VXN: variants seen among roughly 807,000 people sequenced by gnomAD.
The protein encoded by VXN is vexin.
A neutral mutation model predicts 23.1 loss-of-function variants in VXN; 7 were observed. That is an observed-to-expected ratio of 0.30 (90% CI 0.17 to 0.57). The LOEUF is 0.57. Among genes scored for constraint, VXN ranks in the 20% least tolerant of loss-of-function variants. The pLI is 0.91. For synonymous variants in VXN, 120 were observed against 105.8 expected, an observed-to-expected ratio of 1.13 and a Z score of -0.83; for missense variants, 238 against 272.6, an observed-to-expected ratio of 0.87 and a Z score of 0.89.
intron 2 of VXN, among the ~76,000 whole-genome samples, chr8:66,502,636 A>G (rs1472445343): frequency 6.6e-6 from 1 of 152,064 alleles, no homozygotes. Flanking sequence ...AGTCCTAGCT[A>G]CTTGAGAGGC....
Position 66,516,406 on chromosome 8 carries a change from C to G in VXN, c.*330C>G, listed in dbSNP as rs187922417. ...CCAAGGAAGGAAAAAAGCAATTCCT[C>G]TGTCTTCCTTGTGAGTTGCTCTAAA... On this transcript the variant is annotated 3_prime_UTR_variant, in exon 6 of 6. Coordinates refer to ENST00000305454, the MANE Select transcript of VXN (RefSeq NM_152765.4). 2.9e-3 allele frequency: 510 copies of G among 178,724 alleles called. 6 individuals carry two copies. The highest frequency in any genetic ancestry group is 6.0e-4 in the Non-Finnish European group (52 of 85,960). 11.1% of individuals were successfully genotyped at this position (178,724 alleles called of 1,614,324 possible). A position where few individuals can be genotyped will look rare whatever the true frequency, so the allele number is the denominator to read the frequency against.
At chr8:66,505,309 T>C in intron 2 of VXN, 66 bp from the exon 3 acceptor site, 1 of 1,546,440 alleles carries the variant, frequency 6.5e-7, no homozygotes, top group Non-Finnish European at 8.8e-7. Context: ...GCTCCTGCCC[T>C]GGGGTTCCAT....
At chr8:66,510,796 C>T (rs1200550770) in intron 4 of VXN, among the ~76,000 whole-genome samples, 1 of 152,142 alleles carries the variant, frequency 6.6e-6, no homozygotes, top group Non-Finnish European at 1.5e-5. Flanking sequence ...GCATCTCTTC[C>T]TTTTGTTATA....
At position 66,515,980 on chromosome 8, in the gene VXN, C is replaced by A. The variant is rs1807883752; in HGVS notation, c.528C>A (p.Ser176=). The A allele has an allele frequency of 6.2e-7, 1 of 1,613,824 alleles. No individual in the cohort carries two copies. The highest frequency in any genetic ancestry group is 8.5e-7 in the Non-Finnish European group (1 of 1,179,972). ...CTCTACCACTGACAGGCAGTGCTTCCTGCGGCGTCCCCGGCATCCTCCGGA... is the reference window on the plus strand; with the variant it reads ...CTCTACCACTGACAGGCAGTGCTTCATGCGGCGTCCCCGGCATCCTCCGGA... The part of the protein sequence containing the change: ...EASLPLTGSA[S]CGVPGILRKM... The change falls in exon 6 of 6, where the codon TCC becomes TCA. Residue 176 remains serine (S), a synonymous_variant. Coordinates refer to ENST00000305454, the MANE Select transcript of VXN (RefSeq NM_152765.4).
intron 2 of VXN, among the ~76,000 whole-genome samples, chr8:66,501,712 C>T (rs1807694489): frequency 6.6e-6 from 1 of 152,128 alleles, no homozygotes; most frequent in Non-Finnish European, 1.5e-5. Context: ...TTGTAAAACT[C>T]AGCCCCAGCC....
Position 66,517,772 on chromosome 8 carries a change from C to T in VXN, c.*1696C>T, listed in dbSNP as rs1807914383. 1 of 152,214 alleles carries T rather than the reference C, an allele frequency of 6.6e-6. No individual in the cohort carries two copies. The highest frequency in any genetic ancestry group is 2.4e-5 in the African/African-American group (1 of 41,454). 9.4% of individuals were successfully genotyped at this position (152,214 alleles called of 1,614,324 possible). Reference sequence around the variant, plus strand: ...ATCCTATGGGAAATTTAGCCTAAGACAGTGCTGGAAATTGCCATATGTTGA... The same window carrying T: ...ATCCTATGGGAAATTTAGCCTAAGATAGTGCTGGAAATTGCCATATGTTGA... On this transcript the variant is annotated 3_prime_UTR_variant, in exon 6 of 6. Transcript: ENST00000305454.
chr8:66,498,825 A>C (rs1032519979), intron 2 of VXN: 2 of 456,310 alleles, frequency 4.4e-6, no homozygotes, highest in Non-Finnish European at 8.8e-6. Context: ...ATATTTACAG[A>C]CTCTACTTGA....
intron 3 of VXN, 41 bp from the exon 4 acceptor site, chr8:66,510,055 A>G (rs890446985): frequency 1.9e-6 from 3 of 1,575,964 alleles, no homozygotes; most frequent in Non-Finnish European, 2.6e-6. Context: ...GGCAGAACAC[A>G]GAGTACCACT....
intron 1 of VXN, among the ~76,000 whole-genome samples, chr8:66,494,191 C>T (rs911821251): frequency 1.3e-5 from 2 of 152,202 alleles, no homozygotes; most frequent in African/African-American, 2.4e-5. Flanking sequence ...CGTCAGAGAG[C>T]GCCCTGACCC....
intron 1 of VXN, among the ~76,000 whole-genome samples, chr8:66,494,046 G>T (rs967677331): frequency 1.3e-5 from 2 of 152,194 alleles, no homozygotes; most frequent in African/African-American, 4.8e-5. Context: ...AGGGTAGCTA[G>T]ATAGAGACTT....
chr8:66,502,183 A>T (rs1047840788), intron 2 of VXN, among the ~76,000 whole-genome samples: 1 of 152,020 alleles, frequency 6.6e-6, no homozygotes, highest in African/African-American at 2.4e-5. Flanking sequence ...CCAGTCTTTA[A>T]TTTTTTTAAT....
intron 4 of VXN, 44 bp from the exon 5 acceptor site, chr8:66,513,496 A>T: frequency 6.6e-7 from 1 of 1,518,496 alleles, no homozygotes; most frequent in Non-Finnish European, 9.2e-7. Context: ...CCAGAGTGGG[A>T]AGGCAGATGC....
chr8:66,508,426 G>A (rs773244466), intron 3 of VXN, among the ~76,000 whole-genome samples: 16 of 152,052 alleles, frequency 1.1e-4, no homozygotes, highest in Non-Finnish European at 2.2e-4. Flanking sequence ...TGCTGTGTCC[G>A]TTCCTGGCCC....
intron 2 of VXN, among the ~76,000 whole-genome samples, chr8:66,497,495 G>C (rs1254921932): frequency 2.6e-5 from 4 of 152,154 alleles, no homozygotes; most frequent in African/African-American, 9.7e-5. Context: ...GCTTTAACAT[G>C]CATATGCATT....
chr8:66,500,552 G>C (rs918979061), intron 2 of VXN, among the ~76,000 whole-genome samples: 3 of 151,934 alleles, frequency 2.0e-5, no homozygotes, highest in African/African-American at 7.3e-5. Flanking sequence ...TTTAGATTTA[G>C]GGGGTATGTG....
chr8:66,513,737 A>G, intron 5 of VXN, 100 bp downstream of exon 5: 1 of 894,776 alleles, frequency 1.1e-6, no homozygotes, highest in South Asian at 1.5e-5. Flanking sequence ...CAGACCCTCG[A>G]GAGGCCAACA....
Position 66,516,055 on chromosome 8 carries a change from C to T in VXN, c.603C>T (p.Asn201=), listed in dbSNP as rs1807886419. 4 of 1,611,506 alleles carry T rather than the reference C, an allele frequency of 2.5e-6. No individual in the cohort carries two copies. Among genetic ancestry groups the T allele is most frequent in the Non-Finnish European group, 3.4e-6 (4 of 1,179,624 alleles). ...AGTCTGAATATGTGGGAGCCACCAA[C>T]AGCGCCTTTGAGGCCGACTAAAGGT... The part of the protein sequence containing the change: ...KKKSEYVGAT[N]SAFEAD The change falls in exon 6 of 6, where the codon AAC becomes AAT. Residue 201 remains asparagine (N), a synonymous_variant. Coordinates refer to ENST00000305454, the MANE Select transcript of VXN (RefSeq NM_152765.4).
intron 4 of VXN, chr8:66,510,431 A>C: frequency 2.4e-5 from 8 of 338,034 alleles, no homozygotes; most frequent in East Asian, 2.0e-4. Flanking sequence ...CATCTTATAC[A>C]TGGTGAGGGG....
intron 1 of VXN, among the ~76,000 whole-genome samples, chr8:66,495,828 T>C (rs887628682): frequency 7.2e-5 from 11 of 152,354 alleles, no homozygotes; most frequent in Non-Finnish European, 1.3e-4. Context: ...TCTATTCACA[T>C]TGTTGTGCAA....
Sources: allele counts gnomAD v4.1 joint callset (sites outside exome capture counted in the v4.1 genomes callset), GRCh38; gene constraint gnomAD v4.1.1; transcripts MANE v1.5; gene names NCBI Gene and HGNC (gene_info 2026-07-23, HGNC 2026-07-21).